Variants in PTPRN2 observed in about 807,000 individuals in gnomAD.
The protein encoded by PTPRN2 is receptor-type tyrosine-protein phosphatase N2.
In PTPRN2, 74 loss-of-function variants were observed where a neutral mutation model predicts 118.8. The ratio of observed to expected loss-of-function variants is 0.62; its 90% CI spans 0.52 to 0.76. The LOEUF is 0.76. Among genes scored for constraint, PTPRN2 ranks in the 30% least tolerant of loss-of-function variants. The pLI is 0.00. For missense variants in PTPRN2, 1,481 were observed against 1,394.4 expected (o/e 1.06, Z -0.99); for synonymous variants, 641 against 608.0 (o/e 1.05, Z -0.80).
intron 12 of PTPRN2, among the ~76,000 whole-genome samples, chr7:157,838,324 C>T (rs543828178): frequency 1.4e-4 from 21 of 147,112 alleles, no homozygotes; most frequent in Non-Finnish European, 2.5e-4. Flanking sequence ...AGCTCCTCTC[C>T]GCCGTGCCTA....
In PTPRN2 at chr7:157,813,971, A is replaced by G. The variant is rs73513217; in HGVS notation, c.1788+84702T>C. Among the ~76,000 whole-genome samples, 1,931 of 152,278 alleles carry G rather than the reference A, an allele frequency of 0.013. 46 individuals carry two copies. Among genetic ancestry groups the G allele is most frequent in the African/African-American group, 0.045 (1,860 of 41,554 alleles). On this transcript the variant is annotated intron_variant, in intron 12 of 22. Coordinates refer to ENST00000389418, the MANE Select transcript of PTPRN2 (RefSeq NM_002847.5). This position sits in a 1 kb window ranked among gnomAD's most constrained non-coding sequence, Gnocchi z 4.7. ...CAAGTCGCGGTTTGTGGTGCTTTGG[A>G]GGAGTTTGCTCCTTAGAGTGAGGGG...
At chr7:158,454,827 G>A (rs190148919) in intron 2 of PTPRN2, among the ~76,000 whole-genome samples, 51 of 152,220 alleles carry the variant, frequency 3.4e-4, no homozygotes, top group East Asian at 1.9e-4. Context: ...TGTTGACCTC[G>A]AACATCCCCC....
chr7:157,791,199 T>G (rs1804468639), intron 12 of PTPRN2, among the ~76,000 whole-genome samples: 1 of 152,158 alleles, frequency 6.6e-6, no homozygotes, highest in Non-Finnish European at 1.5e-5. Context: ...TTTAAATATT[T>G]TATGTGACTA....
rs114001756 is a variant in PTPRN2 at position 157,954,016 on chromosome 7, T to A, written c.1724-55279A>T. 9.4e-4 allele frequency among the ~76,000 whole-genome samples: 143 copies of A among 152,326 alleles called. 1 individual carries two copies. The highest frequency in any genetic ancestry group is 3.3e-3 in the African/African-American group (137 of 41,570). ...AGGTGTTCAGGTTCGTATCTGAGGC[T>A]GCAACAGGCAGAGCCACTTCCAGTT... On this transcript the variant is annotated intron_variant, in intron 11 of 22. Transcript: ENST00000389418.
chr7:157,770,558 T>C (rs188807308), intron 12 of PTPRN2, among the ~76,000 whole-genome samples: 1 of 152,362 alleles, frequency 6.6e-6, no homozygotes, highest in East Asian at 1.9e-4. Flanking sequence ...TCCAAATACA[T>C]GATCCTACTC....
At position 157,944,257 on chromosome 7, in the gene PTPRN2, C is replaced by T. The variant is rs562815484; in HGVS notation, c.1724-45520G>A. Among the ~76,000 whole-genome samples, 23 of 152,278 alleles carry T rather than the reference C, an allele frequency of 1.5e-4. No homozygotes were observed. In the South Asian group the frequency reaches 4.8e-3, roughly 32 times the overall value. On this transcript the variant is annotated intron_variant, in intron 11 of 22. Coordinates refer to ENST00000389418, the MANE Select transcript of PTPRN2 (RefSeq NM_002847.5). This position sits in a 1 kb window ranked among gnomAD's most constrained non-coding sequence, Gnocchi z 4.3. ...ATTGAGCATGGTTCGTCGCGAACGC[C>T]AGCCTGCCCCCACGGTCATGTCCAG...
At chr7:158,172,292 C>T (rs1823770543) in intron 5 of PTPRN2, among the ~76,000 whole-genome samples, 1 of 152,172 alleles carries the variant, frequency 6.6e-6, no homozygotes, top group Non-Finnish European at 1.5e-5. Flanking sequence ...TCTTTAAAAG[C>T]CACTGTGAGG....
At chr7:158,073,182 G>A (rs1812075421) in intron 11 of PTPRN2, among the ~76,000 whole-genome samples, 2 of 152,170 alleles carry the variant, frequency 1.3e-5, no homozygotes, top group South Asian at 2.1e-4. Flanking sequence ...GAACCATCTC[G>A]GCTCCTCTGC....
intron 22 of PTPRN2, among the ~76,000 whole-genome samples, chr7:157,541,761 G>A (rs1447676704): frequency 5.9e-5 from 9 of 152,224 alleles, no homozygotes; most frequent in African/African-American, 2.2e-4. Context: ...AGCCAAAAAC[G>A]ATGATTAATT....
intron 3 of PTPRN2, among the ~76,000 whole-genome samples, chr7:158,263,386 C>T (rs748991037): frequency 3.3e-5 from 5 of 149,546 alleles, no homozygotes; most frequent in East Asian, 1.9e-4. Context: ...TGTACACACA[C>T]GTGCACATCC....
At chr7:158,552,778 T>A (rs1210178135) in intron 1 of PTPRN2, among the ~76,000 whole-genome samples, 1 of 152,202 alleles carries the variant, frequency 6.6e-6, no homozygotes, top group Non-Finnish European at 1.5e-5. Flanking sequence ...AGTGTCTACA[T>A]ACACTGACAA....
chr7:158,006,899 T>G (rs1319296671), intron 11 of PTPRN2, among the ~76,000 whole-genome samples: 2 of 152,198 alleles, frequency 1.3e-5, no homozygotes, highest in African/African-American at 2.4e-5. Flanking sequence ...GCCTCCTGTG[T>G]GGTCCTCTGG....
chr7:158,272,492 A>T (rs1172757764), intron 3 of PTPRN2, among the ~76,000 whole-genome samples: 2 of 151,932 alleles, frequency 1.3e-5, no homozygotes, highest in Non-Finnish European at 2.9e-5. Context: ...AACACTGAGC[A>T]GGTTTGCCCA....
intron 2 of PTPRN2, among the ~76,000 whole-genome samples, chr7:158,351,731 G>A (rs1466226036): frequency 1.3e-5 from 2 of 152,096 alleles, no homozygotes; most frequent in Non-Finnish European, 2.9e-5. Context: ...CCCACGGGAG[G>A]AGCCTTCTGA....
At chr7:157,687,369 T>C (rs1797249623) in intron 12 of PTPRN2, among the ~76,000 whole-genome samples, 1 of 152,184 alleles carries the variant, frequency 6.6e-6, no homozygotes, top group South Asian at 2.1e-4. Context: ...TTTTCCAAGG[T>C]TGTGTGATAT....
chr7:157,793,307 G>GT, intron 12 of PTPRN2, among the ~76,000 whole-genome samples: 1 of 152,346 alleles, frequency 6.6e-6, no homozygotes, highest in African/African-American at 2.4e-5. Context: ...GATGGCAGAG[G>GT]TTGGTCTCCA....
At chr7:157,824,269 C>A (rs1374039063) in intron 12 of PTPRN2, among the ~76,000 whole-genome samples, 1 of 152,204 alleles carries the variant, frequency 6.6e-6, no homozygotes, top group Non-Finnish European at 1.5e-5. Flanking sequence ...AGAAGCTGAC[C>A]ACAGGTCCTC....
Position 157,603,509 on chromosome 7 carries a change from G to A in PTPRN2, c.2418+493C>T. ...TCTATCCCAGGGGGAGGAACAGCCA[G>A]CAAACGGTCTCTTTCATAAGAAACA... On this transcript the variant is annotated intron_variant, in intron 16 of 22. Coordinates refer to ENST00000389418, the MANE Select transcript of PTPRN2 (RefSeq NM_002847.5). This position sits in a 1 kb window ranked among gnomAD's most constrained non-coding sequence, Gnocchi z 5.4. Among the ~76,000 whole-genome samples the A allele has an allele frequency of 6.6e-6, 1 of 152,182 alleles. No homozygotes were observed. The highest frequency in any genetic ancestry group is 2.4e-5 in the African/African-American group (1 of 41,446).
intron 3 of PTPRN2, among the ~76,000 whole-genome samples, chr7:158,297,167 G>A (rs1347220042): frequency 9.2e-5 from 14 of 152,210 alleles, no homozygotes. Flanking sequence ...TCTGCCAATG[G>A]CTGGGCATAA....
Sources: gnomAD v4.1 joint callset for allele counts (sites outside exome capture counted in the v4.1 genomes callset) on GRCh38, gnomAD v4.1.1 for gene constraint, Gnocchi (gnomAD v3.1) non-coding constraint, MANE v1.5 for transcripts, NCBI Gene and HGNC (gene_info 2026-07-23, HGNC 2026-07-21) for gene names.